TET2: variants seen among roughly 807,000 people sequenced by gnomAD.
The protein encoded by TET2 is methylcytosine dioxygenase TET2.
Under a neutral mutation model 142.9 loss-of-function variants are expected in TET2, and 299 were observed. That is an observed-to-expected ratio of 2.09 (90% CI 1.90 to 2.30). The LOEUF (loss-of-function observed/expected upper bound fraction) is 2.30. TET2 is among the 30% of genes most tolerant of loss of function. TET2 has a pLI of 0.00. For missense variants in TET2, 2,418 were observed against 2,378.0 expected, an observed-to-expected ratio of 1.02 and a Z score of -0.35; for synonymous variants, 819 against 849.0, an observed-to-expected ratio of 0.96 and a Z score of 0.61.
At position 105,269,671 on chromosome 4, in the gene TET2, CAG is replaced by C; in HGVS notation, c.4107_4108del (p.Val1371HisfsTer29). The C allele has an allele frequency of 6.4e-7, 1 of 1,551,622 alleles. No homozygotes were observed. Among genetic ancestry groups the C allele is most frequent in the Non-Finnish European group, 8.7e-7 (1 of 1,146,938 alleles). Reference sequence around the variant, plus strand: ...GGTCTGAAGGAAGGCCGTCCATTCTCAGGGGTCACTGCATGTTTGGACTTCTG... The same window carrying C: ...GGTCTGAAGGAAGGCCGTCCATTCTCGGGTCACTGCATGTTTGGACTTCTG... On this transcript the variant is annotated frameshift_variant, in exon 9 of 11. Coordinates refer to ENST00000380013, the MANE Select transcript of TET2 (RefSeq NM_001127208.3). LOFTEE classifies it high-confidence loss of function.
intron 1 of TET2, among the ~76,000 whole-genome samples, chr4:105,183,244 A>G (rs1232606862): frequency 6.6e-6 from 1 of 152,134 alleles, no homozygotes; most frequent in Non-Finnish European, 1.5e-5. Context: ...TTAAATTACT[A>G]AATATAAGGA....
At chr4:105,190,717 C>T (rs1402010607) in intron 2 of TET2, 1 of 449,088 alleles carries the variant, frequency 2.2e-6, no homozygotes, top group African/African-American at 2.0e-5. Flanking sequence ...CTGTATTTTT[C>T]TGGAGAAAGA....
At chr4:105,151,709 A>G (rs1405844682) in intron 1 of TET2, among the ~76,000 whole-genome samples, 1 of 152,070 alleles carries the variant, frequency 6.6e-6, no homozygotes, top group Non-Finnish European at 1.5e-5. Flanking sequence ...TCAGAACTCA[A>G]TGCTTTATAC....
At chr4:105,185,531 A>T (rs1450684719) in intron 1 of TET2, among the ~76,000 whole-genome samples, 1 of 152,232 alleles carries the variant, frequency 6.6e-6, no homozygotes, top group Non-Finnish European at 1.5e-5. Flanking sequence ...CTGTAATCCC[A>T]GCACTTTCGG....
Position 105,234,653 on chromosome 4 carries a change from T to A in TET2, c.711T>A (p.Cys237Ter). The change falls in exon 3 of 11, where the codon TGT becomes TGA. Residue 237 changes from cysteine (C) to a stop codon, truncating the protein, a stop_gained. Transcript: ENST00000380013. LOFTEE classifies it high-confidence loss of function. The stretch of plus-strand genomic sequence containing the variant: ...CACTGTCTCAATATTATCCAGATTG[T>A]GTTTCCATTGCGGTGCAGAAAACCA... ...EKTLSQYYPD[C>*]VSIAVQKTTS... 6.2e-7 allele frequency: 1 copy of A among 1,614,180 alleles called. No homozygotes were observed. Among genetic ancestry groups the A allele is most frequent in the Non-Finnish European group, 8.5e-7 (1 of 1,180,018 alleles).
At position 105,235,345 on chromosome 4, in the gene TET2, A is replaced by T; in HGVS notation, c.1403A>T (p.His468Leu). ...TCCCAGAGTCCTAATCCATCTACAC[A>T]TGTATGCAGCCCTTCTCCGATGCTT... ...PPSQSPNPST[H>L]VCSPSPMLSE... is the part of the protein sequence containing the mutation. Residue 468 changes from histidine (H) to leucine (L), a missense_variant, in exon 3 of 11, where the codon CAT (histidine) becomes CTT (leucine). His to Leu is a moderately conservative substitution (Grantham distance 99). Coordinates refer to ENST00000380013, the MANE Select transcript of TET2 (RefSeq NM_001127208.3). 4.3e-6 allele frequency: 7 copies of T among 1,614,158 alleles called. No homozygotes were observed. Among genetic ancestry groups the T allele is most frequent in the Non-Finnish European group, 5.9e-6 (7 of 1,180,010 alleles).
intron 2 of TET2, among the ~76,000 whole-genome samples, chr4:105,199,145 TAAA>T (rs1726283893): frequency 6.6e-6 from 1 of 152,338 alleles, no homozygotes; most frequent in African/African-American, 2.4e-5. Context: ...TACTCTTTAT[TAAA>T]GAATGTTGGA....
At chr4:105,209,720 G>T (rs1195436864) in intron 2 of TET2, among the ~76,000 whole-genome samples, 1 of 152,164 alleles carries the variant, frequency 6.6e-6, no homozygotes, top group Non-Finnish European at 1.5e-5. Flanking sequence ...AAGAAATGTT[G>T]TAGGTAGCCA....
Position 105,236,801 on chromosome 4 carries a change from G to GT in TET2, c.2860dup (p.Trp954LeufsTer18). The stretch of plus-strand genomic sequence containing the variant: ...ACACTCAAAAGCATGCTGCTCTAAG[G>GT]TGGCATCTCTTACAGAAGCAAGAAC... On this transcript the variant is annotated frameshift_variant, in exon 3 of 11. Coordinates refer to ENST00000380013, the MANE Select transcript of TET2 (RefSeq NM_001127208.3). LOFTEE classifies it high-confidence loss of function. The GT allele has an allele frequency of 6.2e-7, 1 of 1,614,090 alleles. No homozygotes were observed. The highest frequency in any genetic ancestry group is 8.5e-7 in the Non-Finnish European group (1 of 1,180,004).
At chr4:105,203,834 A>G (rs190246825) in intron 2 of TET2, among the ~76,000 whole-genome samples, 1 of 152,270 alleles carries the variant, frequency 6.6e-6, no homozygotes, top group East Asian at 1.9e-4. Context: ...AAGTCATCCC[A>G]AACTCTTCGA....
intron 8 of TET2, among the ~76,000 whole-genome samples, chr4:105,263,793 T>C (rs1730556914): frequency 6.6e-6 from 1 of 152,134 alleles, no homozygotes; most frequent in African/African-American, 2.4e-5. Flanking sequence ...TCAATCATTT[T>C]AGGCATGAGT....
chr4:105,210,494 C>T (rs942873838), intron 2 of TET2, among the ~76,000 whole-genome samples: 4 of 152,100 alleles, frequency 2.6e-5, no homozygotes, highest in African/African-American at 9.7e-5. Flanking sequence ...CCAGCTTAGA[C>T]CCCTTGCTGA....
rs1731165969 is a variant in TET2 at position 105,275,486 on chromosome 4, A to G, written c.4976A>G (p.Tyr1659Cys). 3 of 1,551,572 alleles carry G rather than the reference A, an allele frequency of 1.9e-6. No homozygotes were observed. The highest frequency in any genetic ancestry group is 2.4e-5 in the East Asian group (1 of 40,930). Residue 1659 changes from tyrosine (Y) to cysteine (C), a missense_variant, in exon 11 of 11, where the codon TAT (tyrosine) becomes TGT (cysteine). Tyr to Cys is a radical substitution (Grantham distance 194, BLOSUM62 -2). Transcript: ENST00000380013. ...YSPQSQPMDL[Y>C]RYPSQDPLSK... Reference sequence around the variant, plus strand: ...CCCCAGTCTCAGCCGATGGATCTGTATAGGTATCCAAGCCAAGACCCTCTG... The same window carrying G: ...CCCCAGTCTCAGCCGATGGATCTGTGTAGGTATCCAAGCCAAGACCCTCTG...
intron 6 of TET2, among the ~76,000 whole-genome samples, chr4:105,244,911 G>A (rs528957800): frequency 6.6e-6 from 1 of 152,220 alleles, no homozygotes; most frequent in African/African-American, 2.4e-5. Flanking sequence ...AAGTTATTTT[G>A]CCCACGATTG....
At chr4:105,147,086 TACCAAGA>T (rs1324511065) in intron 1 of TET2, 107 bp downstream of exon 1, 4 of 152,216 alleles carry the variant, frequency 2.6e-5, no homozygotes, top group African/African-American at 9.7e-5. Context: ...CACCCACAAA[TACCAAGA>T]GGGAAGAGGG....
chr4:105,236,050 TG>T lies in TET2; in HGVS notation c.2109del (p.Asn704IlefsTer47). 1 of 1,614,132 alleles carries T rather than the reference TG, an allele frequency of 6.2e-7. No individual in the cohort carries two copies. Among genetic ancestry groups the T allele is most frequent in the Non-Finnish European group, 8.5e-7 (1 of 1,180,006 alleles). On this transcript the variant is annotated frameshift_variant, in exon 3 of 11. Transcript: ENST00000380013. LOFTEE classifies it high-confidence loss of function. ...KLMSPVLKQH[L>X]NQQASETEPF... ...ATGTCCCCAGTGTTGAAACAGCACTTGAATCAACAGGCTTCAGAGACTGAGC... is the reference window on the plus strand; with the variant it reads ...ATGTCCCCAGTGTTGAAACAGCACTTAATCAACAGGCTTCAGAGACTGAGC...
rs1728944419 is a variant in TET2 at position 105,236,685 on chromosome 4, G to C, written c.2743G>C (p.Ala915Pro). 5 of 1,614,104 alleles carry C rather than the reference G, an allele frequency of 3.1e-6. No individual in the cohort carries two copies. The highest frequency in any genetic ancestry group is 3.4e-6 in the Non-Finnish European group (4 of 1,180,014). ...GTCTGGTCAACAAGCTGCGCAACTT[G>C]CTCAGCAAAGGTACTTGATACATAA... ...DMSGQQAAQL[A>P]QQRYLIHNHA... Residue 915 changes from alanine (A) to proline (P), a missense_variant, in exon 3 of 11, where the codon GCT (alanine) becomes CCT (proline). Transcript: ENST00000380013.
chr4:105,160,941 A>AG lies in TET2; in HGVS notation c.-193+13962_-193+13963insG, dbSNP rs1168994357. On this transcript the variant is annotated intron_variant, in intron 1 of 10. Transcript: ENST00000380013. ...CAGGCACTCGCCACCACGCCCGGCT[A>AG]ATTTTTGTATTTTTAGTAGAGGCGG... Among the ~76,000 whole-genome samples, 3 of 151,992 alleles carry AG rather than the reference A, an allele frequency of 2.0e-5. No homozygotes were observed. In the East Asian group the frequency reaches 5.8e-4, roughly 29 times the overall value.
At chr4:105,272,299 A>T (rs764729043) in intron 9 of TET2, among the ~76,000 whole-genome samples, 1 of 152,202 alleles carries the variant, frequency 6.6e-6, no homozygotes, top group Non-Finnish European at 1.5e-5. Context: ...TGTGAAGAAC[A>T]AGGGTCACCA....
Sources: gnomAD v4.1 joint callset for allele counts (sites outside exome capture counted in the v4.1 genomes callset) on GRCh38, gnomAD v4.1.1 for gene constraint, MANE v1.5 for transcripts, NCBI Gene and HGNC (gene_info 2026-07-23, HGNC 2026-07-21) for gene names.